Variants in PARD3B observed in about 807,000 individuals in gnomAD.
PARD3B encodes the protein par-3 family cell polarity regulator beta, also known as partitioning defective 3 homolog B.
Under a neutral mutation model 130.2 loss-of-function variants are expected in PARD3B, and 103 were observed. That is an observed-to-expected ratio of 0.79 (90% CI 0.67 to 0.93). The LOEUF is 0.93. Among genes scored for constraint, PARD3B ranks in the 40% least tolerant of loss-of-function variants. The pLI is 0.00. For missense variants in PARD3B, 1,609 were observed against 1,499.2 expected (o/e 1.07, Z -1.21); for synonymous variants, 583 against 553.2 (o/e 1.05, Z -0.76).
At chr2:205,198,908 A>G (rs2036838820) in intron 15 of PARD3B, among the ~76,000 whole-genome samples, 1 of 152,002 alleles carries the variant, frequency 6.6e-6, no homozygotes, top group South Asian at 2.1e-4. Context: ...TTGTCCACCA[A>G]TAAGTAGTAC....
chr2:204,877,326 A>G (rs1482771412), intron 2 of PARD3B, among the ~76,000 whole-genome samples: 1 of 152,184 alleles, frequency 6.6e-6, no homozygotes, highest in African/African-American at 2.4e-5. Context: ...CAGCACACCA[A>G]CATGGCACAT....
intron 1 of PARD3B, among the ~76,000 whole-genome samples, chr2:204,594,898 G>C (rs999578726): frequency 2.6e-5 from 4 of 152,160 alleles, no homozygotes; most frequent in Admixed American, 2.0e-4. Flanking sequence ...GAAGTCGTTT[G>C]ATCAGGTGCT....
Position 204,883,455 on chromosome 2 carries a change from A to ATTT in PARD3B, c.223-81688_223-81686dup, listed in dbSNP as rs1348171832. ...ATAAAATATATATATATATATATAT[A>ATTT]TTTTTTTTTTTGAGACAGAGTCTCA... On this transcript the variant is annotated intron_variant, in intron 2 of 22. Coordinates refer to ENST00000406610, the MANE Select transcript of PARD3B (RefSeq NM_001302769.2). Among the ~76,000 whole-genome samples the ATTT allele has an allele frequency of 3.7e-3, 283 of 77,268 alleles. 9 individuals carry two copies. Among genetic ancestry groups the ATTT allele is most frequent in the Middle Eastern group, 0.014 (2 of 138 alleles). The allele number at this position is 77,268 out of a possible 152,430, so 50.7% of individuals were successfully genotyped here.
At chr2:205,376,979 T>C (rs2045082711) in intron 18 of PARD3B, among the ~76,000 whole-genome samples, 1 of 152,208 alleles carries the variant, frequency 6.6e-6, no homozygotes, top group African/African-American at 2.4e-5. Flanking sequence ...GAAATGCTGT[T>C]ACGGCCTCCA....
At chr2:205,554,489 A>G (rs974399800) in intron 22 of PARD3B, among the ~76,000 whole-genome samples, 3 of 152,220 alleles carry the variant, frequency 2.0e-5, no homozygotes, top group Middle Eastern at 3.2e-3. Context: ...CACCCAAAAT[A>G]CAATATTTTA....
At chr2:205,054,438 T>TA (rs1559393396) in intron 4 of PARD3B, among the ~76,000 whole-genome samples, 27 of 40,086 alleles carry the variant, frequency 6.7e-4, no homozygotes, top group East Asian at 1.3e-3. Flanking sequence ...ATATATATAT[T>TA]TTTTTTTTTT....
chr2:205,148,677 T>G (rs1435557265), intron 10 of PARD3B, among the ~76,000 whole-genome samples: 1 of 152,176 alleles, frequency 6.6e-6, no homozygotes, highest in African/African-American at 2.4e-5. Context: ...TAAAATATCC[T>G]GGCAGAATTG....
chr2:205,461,343 C>T lies in PARD3B; in HGVS notation c.3044+20671C>T, dbSNP rs527453036. On this transcript the variant is annotated intron_variant, in intron 20 of 22. Coordinates refer to ENST00000406610, the MANE Select transcript of PARD3B (RefSeq NM_001302769.2). The surrounding 1 kb of genome is among the most constrained non-coding windows in gnomAD (Gnocchi z 4.3). Reference sequence around the variant, plus strand: ...GAAGAAGTGAAAGAAGGTCCTCTTACCAACACCAAGCAAGAGGATAAAGAG... The same window carrying T: ...GAAGAAGTGAAAGAAGGTCCTCTTATCAACACCAAGCAAGAGGATAAAGAG... Among the ~76,000 whole-genome samples, 84 of 152,228 alleles carry T rather than the reference C, an allele frequency of 5.5e-4. No homozygotes were observed. The highest frequency in any genetic ancestry group is 2.0e-3 in the African/African-American group (82 of 41,550).
chr2:204,929,285 T>C (rs903233022), intron 2 of PARD3B, among the ~76,000 whole-genome samples: 2 of 152,162 alleles, frequency 1.3e-5, no homozygotes, highest in Non-Finnish European at 2.9e-5. Flanking sequence ...TTGAATAATC[T>C]GCCAGTGGAC....
In PARD3B at chr2:205,229,687, A is replaced by C. The variant is rs1341166022; in HGVS notation, c.2141-16091A>C. 6.6e-6 allele frequency among the ~76,000 whole-genome samples: 1 copy of C among 151,992 alleles called. No homozygotes were observed. The highest frequency in any genetic ancestry group is 1.5e-5 in the Non-Finnish European group (1 of 67,976). ...TGGCTACCACCTACATTTGCTTAGG[A>C]CACTAGAGCTCCGCAATAAGCAGGT... On this transcript the variant is annotated intron_variant, in intron 15 of 22. Coordinates refer to ENST00000406610, the MANE Select transcript of PARD3B (RefSeq NM_001302769.2). This position sits in a 1 kb window ranked among gnomAD's most constrained non-coding sequence, Gnocchi z 5.2.
intron 21 of PARD3B, among the ~76,000 whole-genome samples, chr2:205,518,088 C>G (rs1295339576): frequency 1.3e-5 from 2 of 151,850 alleles, no homozygotes; most frequent in Admixed American, 6.6e-5. Flanking sequence ...TGTATAGAGC[C>G]CTGTCAGTTC....
At chr2:204,986,858 G>C (rs1335530894) in intron 3 of PARD3B, among the ~76,000 whole-genome samples, 7 of 152,196 alleles carry the variant, frequency 4.6e-5, no homozygotes, top group African/African-American at 1.4e-4. Context: ...CAGCTGATAA[G>C]ATTCTCAATA....
At chr2:205,521,206 T>C (rs1237706040) in intron 21 of PARD3B, among the ~76,000 whole-genome samples, 1 of 151,978 alleles carries the variant, frequency 6.6e-6, no homozygotes, top group African/African-American at 2.4e-5. Flanking sequence ...ATTACCAATT[T>C]GATGGCAAAT....
intron 2 of PARD3B, among the ~76,000 whole-genome samples, chr2:204,883,455 A>T (rs2335908): frequency 0.83 from 64,446 of 77,674 alleles, 27,149 homozygotes; most frequent in Middle Eastern, 0.89. Context: ...ATATATATAT[A>T]TTTTTTTTTT....
chr2:205,270,754 A>G (rs1037584152), intron 16 of PARD3B, among the ~76,000 whole-genome samples: 1 of 152,076 alleles, frequency 6.6e-6, no homozygotes, highest in Non-Finnish European at 1.5e-5. Flanking sequence ...CTTCCACTTG[A>G]CCATCTTGCA....
intron 2 of PARD3B, among the ~76,000 whole-genome samples, chr2:204,821,778 A>G (rs1434141084): frequency 2.0e-5 from 3 of 152,152 alleles, no homozygotes; most frequent in Non-Finnish European, 4.4e-5. Context: ...TTTGCCTGCC[A>G]CCATCCATGT....
At chr2:205,399,222 A>T (rs549641743) in intron 18 of PARD3B, among the ~76,000 whole-genome samples, 3 of 151,936 alleles carry the variant, frequency 2.0e-5, no homozygotes, top group South Asian at 4.2e-4. Flanking sequence ...GTGAGCCGAG[A>T]TCATGCCATG....
chr2:205,466,164 T>C (rs1303928416), intron 20 of PARD3B, among the ~76,000 whole-genome samples: 1 of 152,220 alleles, frequency 6.6e-6, no homozygotes, highest in Non-Finnish European at 1.5e-5. Context: ...GGGACCACAC[T>C]GTGCTTAGCA....
chr2:205,225,699 A>G (rs931107693), intron 15 of PARD3B, among the ~76,000 whole-genome samples: 17 of 152,166 alleles, frequency 1.1e-4, no homozygotes, highest in African/African-American at 4.1e-4. Flanking sequence ...ACATCTTTAC[A>G]TGTCAGACCA....
Sources: gnomAD v4.1 joint callset for allele counts (sites outside exome capture counted in the v4.1 genomes callset) on GRCh38, gnomAD v4.1.1 for gene constraint, Gnocchi (gnomAD v3.1) non-coding constraint, MANE v1.5 for transcripts, NCBI Gene and HGNC (gene_info 2026-07-23, HGNC 2026-07-21) for gene names.